Variants in RHOA observed in about 807,000 individuals in gnomAD.
The protein encoded by RHOA is ras homolog family member A, also known as transforming protein RhoA.
RHOA carries 3 observed loss-of-function variants against 17.5 expected under a neutral mutation model. The observed-to-expected ratio is 0.17, with a 90% CI of 0.08 to 0.44. The LOEUF (loss-of-function observed/expected upper bound fraction) is 0.44, where lower values mean the gene tolerates loss of function less well. Among genes scored for constraint, RHOA ranks in the 20% least tolerant of loss-of-function variants. The probability of loss-of-function intolerance (pLI) is 0.99; values close to 1 mark genes in which losing one functional copy is unlikely to be tolerated. For missense variants in RHOA, 56 were observed against 242.3 expected (o/e 0.23, Z 5.10); for synonymous variants, 98 against 88.4 (o/e 1.11, Z -0.61).
At chr3:49,361,974 G>A (rs2047979446) in intron 4 of RHOA, among the ~76,000 whole-genome samples, 1 of 151,980 alleles carries the variant, frequency 6.6e-6, no homozygotes, top group South Asian at 2.1e-4. Context: ...GATCACTTGA[G>A]GTAAGGAGTT....
intron 1 of RHOA, among the ~76,000 whole-genome samples, chr3:49,386,447 T>A (rs1009557594): frequency 4.6e-5 from 7 of 152,232 alleles, no homozygotes; most frequent in Non-Finnish European, 8.8e-5. Flanking sequence ...TACTCTCATT[T>A]ACAAATGAAG....
intron 1 of RHOA, among the ~76,000 whole-genome samples, chr3:49,408,261 CGTATACACG>C: frequency 1.9e-5 from 1 of 52,570 alleles, no homozygotes; most frequent in East Asian, 0.029. Context: ...CATATATATA[CGTATACACG>C]TATATACGTA....
Position 49,411,950 on chromosome 3 carries a change from G to A in RHOA, c.-133C>T, listed in dbSNP as rs2048947291. The A allele has an allele frequency of 6.4e-6, 1 of 155,770 alleles. No individual in the cohort carries two copies. The highest frequency in any genetic ancestry group is 1.9e-4 in the South Asian group (1 of 5,382). The allele number at this position is 155,770 out of a possible 1,614,324, so 9.6% of individuals were successfully genotyped here. On this transcript the variant is annotated 5_prime_UTR_variant, in exon 1 of 5. Transcript: ENST00000418115. ...ACGAGAGAACCGACGGAGGACCGCG[G>A]GCGGCGGGAGGGTAGCGCGAGAGAG... is the stretch of plus-strand genomic sequence containing the variant.
At chr3:49,405,135 G>C (rs2048806176) in intron 1 of RHOA, among the ~76,000 whole-genome samples, 1 of 149,972 alleles carries the variant, frequency 6.7e-6, no homozygotes, top group African/African-American at 2.5e-5. Context: ...GCGGGCACCT[G>C]TAGTCTCAGC....
In RHOA at chr3:49,400,939, G is replaced by A. The variant is rs193085909; in HGVS notation, c.-3+10881C>T. On this transcript the variant is annotated intron_variant, in intron 1 of 4. Coordinates refer to ENST00000418115, the MANE Select transcript of RHOA (RefSeq NM_001664.4). ...CGGGCGCCTGTAGTCCCAGCTATTC[G>A]GGAGGCTGAGGCAGGAGAATGGCGT... 5.8e-4 allele frequency among the ~76,000 whole-genome samples: 86 copies of A among 147,948 alleles called. No individual in the cohort carries two copies. In the South Asian group the frequency reaches 8.0e-3, roughly 14 times the overall value.
chr3:49,385,809 T>C (rs1187295615), intron 1 of RHOA, among the ~76,000 whole-genome samples: 3 of 152,206 alleles, frequency 2.0e-5, no homozygotes, highest in Non-Finnish European at 2.9e-5. Flanking sequence ...TTTGGAAATC[T>C]AGTCACCTCA....
chr3:49,405,648 T>C (rs13096474), intron 1 of RHOA, among the ~76,000 whole-genome samples: 112,094 of 152,038 alleles, frequency 0.74, 41,802 homozygotes, highest in East Asian at 0.99. Flanking sequence ...CCAGAATCCA[T>C]GCTCTTAAAT....
chr3:49,393,696 G>A (rs867943269), intron 1 of RHOA, among the ~76,000 whole-genome samples: 1 of 136,056 alleles, frequency 7.3e-6, no homozygotes, highest in African/African-American at 2.9e-5. Flanking sequence ...GTGTGTGTGT[G>A]TGTGTGTGTG....
At chr3:49,404,656 CG>C (rs1310926145) in intron 1 of RHOA, among the ~76,000 whole-genome samples, 3 of 141,414 alleles carry the variant, frequency 2.1e-5, no homozygotes, top group African/African-American at 7.9e-5. Context: ...AGGCCAGGCA[CG>C]GTGGCTCACG....
chr3:49,373,715 G>T (rs1404290811), intron 2 of RHOA, among the ~76,000 whole-genome samples: 1 of 151,852 alleles, frequency 6.6e-6, no homozygotes, highest in Non-Finnish European at 1.5e-5. Flanking sequence ...GAGGTGGAAG[G>T]ATCACTTGAG....
At chr3:49,401,395 A>G (rs2048722110) in intron 1 of RHOA, among the ~76,000 whole-genome samples, 1 of 151,684 alleles carries the variant, frequency 6.6e-6, no homozygotes, top group Non-Finnish European at 1.5e-5. Flanking sequence ...GCTTATGCCT[A>G]TAATCCCAGC....
At chr3:49,392,737 G>T (rs952526362) in intron 1 of RHOA, among the ~76,000 whole-genome samples, 7 of 152,150 alleles carry the variant, frequency 4.6e-5, no homozygotes, top group Non-Finnish European at 1.0e-4. Flanking sequence ...TATGGTACTG[G>T]ACAGTGCAGA....
chr3:49,386,496 C>T (rs952413864), intron 1 of RHOA, among the ~76,000 whole-genome samples: 5 of 152,302 alleles, frequency 3.3e-5, no homozygotes, highest in East Asian at 1.9e-4. Flanking sequence ...CAACGTCAGT[C>T]GCACTGCTAG....
At position 49,360,197 on chromosome 3, in the gene RHOA, T is replaced by A; in HGVS notation, c.*12A>T. On this transcript the variant is annotated 3_prime_UTR_variant, in exon 5 of 5. Coordinates refer to ENST00000418115, the MANE Select transcript of RHOA (RefSeq NM_001664.4). ...AAATTAACCGCATAAGGGCTGTGCT[T>A]GCAGCAAGGTTTCACAAGACAAGGC... is the stretch of plus-strand genomic sequence containing the variant. The A allele has an allele frequency of 6.2e-7, 1 of 1,611,908 alleles. No individual in the cohort carries two copies. The highest frequency in any genetic ancestry group is 8.5e-7 in the Non-Finnish European group (1 of 1,179,326).
intron 2 of RHOA, among the ~76,000 whole-genome samples, chr3:49,374,018 A>T (rs1187823597): frequency 1.3e-5 from 2 of 152,184 alleles, no homozygotes; most frequent in Non-Finnish European, 2.9e-5. Flanking sequence ...TGACAATAAA[A>T]TAAAACAACT....
At chr3:49,410,262 G>C (rs1165088817) in intron 1 of RHOA, among the ~76,000 whole-genome samples, 6 of 152,140 alleles carry the variant, frequency 3.9e-5, no homozygotes, top group African/African-American at 1.4e-4. Flanking sequence ...TGACTAGATA[G>C]GTAACCTTGG....
At chr3:49,381,500 G>A (rs1417964647) in intron 1 of RHOA, among the ~76,000 whole-genome samples, 1 of 151,598 alleles carries the variant, frequency 6.6e-6, no homozygotes, top group African/African-American at 2.4e-5. Flanking sequence ...ACTTGAATTA[G>A]GCAGGCGGAG....
chr3:49,410,371 T>G (rs1276810486), intron 1 of RHOA, among the ~76,000 whole-genome samples: 1 of 152,230 alleles, frequency 6.6e-6, no homozygotes, highest in Non-Finnish European at 1.5e-5. Context: ...ACTCAAGAAC[T>G]ACACAGTATT....
intron 1 of RHOA, among the ~76,000 whole-genome samples, chr3:49,407,626 GT>G (rs142442466): frequency 1.4e-4 from 21 of 149,160 alleles, no homozygotes; most frequent in East Asian, 5.9e-4. Flanking sequence ...AGTGATTCTA[GT>G]TTTTTTTTTA....
Sources: allele counts gnomAD v4.1 joint callset (sites outside exome capture counted in the v4.1 genomes callset), GRCh38; gene constraint gnomAD v4.1.1; transcripts MANE v1.5; gene names NCBI Gene and HGNC (gene_info 2026-07-23, HGNC 2026-07-21).